Variants in POLQ observed in about 807,000 individuals in gnomAD.
The protein encoded by POLQ is DNA polymerase theta.
A neutral mutation model predicts 259.2 loss-of-function variants in POLQ; 233 were observed. That is an observed-to-expected ratio of 0.90 (90% CI 0.81 to 1.00). POLQ has a LOEUF of 1.00. POLQ is among the 50% of genes least tolerant of loss of function. The pLI, the probability that POLQ is intolerant of heterozygous loss-of-function variation, is 0.00. For missense variants in POLQ, 2,871 were observed against 3,051.6 expected, an observed-to-expected ratio of 0.94 and a Z score of 1.39; for synonymous variants, 1,025 against 1,048.8, an observed-to-expected ratio of 0.98 and a Z score of 0.44.
In POLQ at chr3:121,481,830, G is replaced by A; in HGVS notation, c.5971-18C>T. ...CATGCCACCTGAATGGGATAGCAATGAGAATATTTTCCTGATTTTTTTCAA... is the reference window on the plus strand; with the variant it reads ...CATGCCACCTGAATGGGATAGCAATAAGAATATTTTCCTGATTTTTTTCAA... On this transcript the variant is annotated intron_variant, in intron 18 of 29. Transcript: ENST00000264233. The A allele has an allele frequency of 6.4e-7, 1 of 1,572,286 alleles. No individual in the cohort carries two copies. The highest frequency in any genetic ancestry group is 1.4e-5 in the African/African-American group (1 of 73,404).
At chr3:121,458,049 G>A (rs1416524614) in intron 25 of POLQ, among the ~76,000 whole-genome samples, 15 of 152,216 alleles carry the variant, frequency 9.9e-5, no homozygotes, top group East Asian at 3.9e-4. Context: ...GGAATACTAC[G>A]CAGCCATAAA....
At chr3:121,493,342 A>G (rs1052176627) in intron 15 of POLQ, 136 bp downstream of exon 15, 22 of 639,568 alleles carry the variant, frequency 3.4e-5, no homozygotes, top group Admixed American at 1.3e-4. Context: ...AAAAGTAGCC[A>G]TATTTTCTTC....
At chr3:121,487,033 T>C (rs1380100267) in intron 16 of POLQ, among the ~76,000 whole-genome samples, 1 of 152,174 alleles carries the variant, frequency 6.6e-6, no homozygotes, top group Middle Eastern at 3.2e-3. Flanking sequence ...AAATGTCACG[T>C]TCATATTCAA....
intron 25 of POLQ, among the ~76,000 whole-genome samples, chr3:121,459,382 T>TTTG (rs1437173456): frequency 6.8e-6 from 1 of 146,532 alleles, no homozygotes; most frequent in South Asian, 2.4e-4. Context: ...TTTTTTTTTT[T>TTTG]TTTTTTTTTT....
intron 25 of POLQ, among the ~76,000 whole-genome samples, chr3:121,459,388 T>TTG (rs2047772105): frequency 1.4e-5 from 2 of 146,476 alleles, no homozygotes; most frequent in Non-Finnish European, 3.0e-5. Context: ...TTTTTTTTTT[T>TTG]TTTTGTTTTT....
Position 121,488,852 on chromosome 3 carries a change from T to C in POLQ, c.4079A>G (p.Gln1360Arg). The C allele has an allele frequency of 1.9e-6, 3 of 1,614,016 alleles. No homozygotes were observed. Among genetic ancestry groups the C allele is most frequent in the South Asian group, 2.2e-5 (2 of 91,034 alleles). The change falls in exon 16 of 30, where the codon CAA (glutamine) becomes CGA (arginine). Residue 1360 changes from glutamine (Q) to arginine (R), a missense_variant. Physicochemically the swap from Gln to Arg is conservative, Grantham distance 43. Coordinates refer to ENST00000264233, the MANE Select transcript of POLQ (RefSeq NM_199420.4). The stretch of plus-strand genomic sequence containing the variant: ...CTGAAAAGAGTTCATTGAGTTCTGT[T>C]GGACTAAGCTCTTCTGCATTATCCC... The part of the protein sequence containing the change: ...AAGIMQKSLV[Q>R]QNSMNSFQKE...
Position 121,490,392 on chromosome 3 carries a change from CCACT to C in POLQ, c.2535_2538del (p.Val846MetfsTer18), listed in dbSNP as rs755770761. 4 of 1,614,034 alleles carry C rather than the reference CCACT, an allele frequency of 2.5e-6. No individual in the cohort carries two copies. The African/African-American group carries it at 5.3e-5, about 22-fold the overall frequency. On this transcript the variant is annotated frameshift_variant, in exon 16 of 30. Coordinates refer to ENST00000264233, the MANE Select transcript of POLQ (RefSeq NM_199420.4). LOFTEE classifies it high-confidence loss of function. ...TCTTCAACTGCTTCCTCTTCCTCAT[CCACT>C]GCCTTCCGGGCACTACACAAGGAGA... is the stretch of plus-strand genomic sequence containing the variant.
At chr3:121,498,809 A>C (rs1443079038) in intron 12 of POLQ, 139 bp from the exon 13 acceptor site, 9 of 644,242 alleles carry the variant, frequency 1.4e-5, no homozygotes. Context: ...GCTGAGATGG[A>C]AAGATTGCTT....
intron 22 of POLQ, among the ~76,000 whole-genome samples, chr3:121,470,553 C>T (rs2047875369): frequency 6.6e-6 from 1 of 152,150 alleles, no homozygotes; most frequent in African/African-American, 2.4e-5. Context: ...CATCTATGAA[C>T]CTATTTAATC....
intron 27 of POLQ, among the ~76,000 whole-genome samples, chr3:121,438,478 A>T (rs943534627): frequency 6.6e-6 from 1 of 152,208 alleles, no homozygotes; most frequent in Non-Finnish European, 1.5e-5. Context: ...CATTTAGAAG[A>T]AGCCTTTTAG....
At chr3:121,501,484 C>A (rs2048167447) in intron 12 of POLQ, among the ~76,000 whole-genome samples, 1 of 148,420 alleles carries the variant, frequency 6.7e-6, no homozygotes, top group South Asian at 2.1e-4. Context: ...ACGGTGAAAC[C>A]CCGTCTCTAC....
At position 121,511,973 on chromosome 3, in the gene POLQ, G is replaced by A; in HGVS notation, c.1525C>T (p.Gln509Ter). The change falls in exon 10 of 30, where the codon CAG becomes TAG. Residue 509 changes from glutamine (Q) to a stop codon, truncating the protein, a stop_gained. Transcript: ENST00000264233. LOFTEE classifies it high-confidence loss of function. ...SEKSKGIALL[Q>*]GSLKPVRSCL... ...CTGCGAACAGGCTTTAGAGAACCCT[G>A]AAGGAGAGCTATGCCTTTTGATTTC... 1 of 1,613,388 alleles carries A rather than the reference G, an allele frequency of 6.2e-7. No homozygotes were observed. The highest frequency in any genetic ancestry group is 8.5e-7 in the Non-Finnish European group (1 of 1,179,328).
intron 25 of POLQ, among the ~76,000 whole-genome samples, chr3:121,452,129 C>G (rs1286363392): frequency 6.6e-6 from 1 of 152,206 alleles, no homozygotes; most frequent in Non-Finnish European, 1.5e-5. Flanking sequence ...TGCTAAGACC[C>G]TTGGAAAAGC....
intron 25 of POLQ, among the ~76,000 whole-genome samples, chr3:121,453,578 A>G (rs923244280): frequency 2.0e-5 from 3 of 152,254 alleles, no homozygotes; most frequent in African/African-American, 7.2e-5. Flanking sequence ...AAGGCTTGAG[A>G]ACTACGTGAA....
intron 7 of POLQ, 69 bp from the exon 8 acceptor site, chr3:121,522,218 A>G (rs2048341519): frequency 5.2e-6 from 6 of 1,158,916 alleles, no homozygotes; most frequent in African/African-American, 1.6e-5. Flanking sequence ...TGTCTAAATC[A>G]TAATAGAGCT....
At chr3:121,495,678 A>C (rs949265646) in intron 14 of POLQ, among the ~76,000 whole-genome samples, 1 of 49,168 alleles carries the variant, frequency 2.0e-5, no homozygotes, top group Admixed American at 3.1e-4. Context: ...CCCCATCTCC[A>C]CTAAAAATAC....
chr3:121,440,949 G>A (rs967434486), intron 26 of POLQ, among the ~76,000 whole-genome samples: 2 of 152,124 alleles, frequency 1.3e-5, no homozygotes, highest in African/African-American at 2.4e-5. Context: ...AAAACTATGT[G>A]TAGTGTAGTA....
rs764862370 is a variant in POLQ, at chr3:121,489,710, T to G, written c.3221A>C (p.Asn1074Thr). The G allele has an allele frequency of 2.5e-6, 4 of 1,613,160 alleles. No individual in the cohort carries two copies. Among genetic ancestry groups the G allele is most frequent in the Admixed American group, 1.7e-5 (1 of 59,894 alleles). Residue 1074 changes from asparagine to threonine, a missense_variant, in exon 16 of 30, where the codon AAT becomes ACT. This residue lies in a region of POLQ where 2,080 missense variants were observed against 2,126.0 expected (regional missense o/e 0.98). Coordinates refer to ENST00000264233, the MANE Select transcript of POLQ (RefSeq NM_199420.4). ...AAACGGGTCTTCACAAAGACTAGGA[T>G]TAGACAGAGTCTGTCCTTGTAAATG... ...RIHLQGQTLS[N>T]PSLCEDPFTL... is the part of the protein sequence containing the mutation.
chr3:121,463,156 C>G (rs889874038), intron 24 of POLQ, among the ~76,000 whole-genome samples: 6 of 152,156 alleles, frequency 3.9e-5, no homozygotes, highest in African/African-American at 1.4e-4. Context: ...ACTCACATGT[C>G]AAGAGGTCAG....
Sources: allele counts gnomAD v4.1 joint callset (sites outside exome capture counted in the v4.1 genomes callset), GRCh38; gene constraint gnomAD v4.1.1; regional missense constraint gnomAD v4.1.1; transcripts MANE v1.5; gene names NCBI Gene and HGNC (gene_info 2026-07-23, HGNC 2026-07-21).